Variants in RABGAP1L observed in about 807,000 individuals in gnomAD.
The protein encoded by RABGAP1L is RAB GTPase activating protein 1 like.
A neutral mutation model predicts 137.7 loss-of-function variants in RABGAP1L; 63 were observed. That is an observed-to-expected ratio of 0.46 (90% CI 0.37 to 0.56). RABGAP1L has a LOEUF of 0.56. RABGAP1L is among the 20% of genes least tolerant of loss of function. The pLI, the probability that RABGAP1L is intolerant of heterozygous loss-of-function variation, is 0.00. For synonymous variants in RABGAP1L, 431 were observed against 433.7 expected (o/e 0.99, Z 0.08); for missense variants, 1,095 against 1,244.0 (o/e 0.88, Z 1.80).
intron 13 of RABGAP1L, among the ~76,000 whole-genome samples, chr1:174,618,402 A>G (rs1478803645): frequency 2.6e-5 from 4 of 152,252 alleles, no homozygotes; most frequent in African/African-American, 9.6e-5. Context: ...CAGTAGGGGC[A>G]GACTGACATC....
rs369393446 is a variant in RABGAP1L at position 174,891,295 on chromosome 1, G to C, written c.2341-66162G>C. 2.0e-5 allele frequency among the ~76,000 whole-genome samples: 3 copies of C among 152,182 alleles called. No homozygotes were observed. In the South Asian group the frequency reaches 6.2e-4, roughly 32 times the overall value. ...TGGCTAAAATGTAGGGGGTAGGCCA[G>C]GAAATAGAGAGTGGGAGTTGATCAT... On this transcript the variant is annotated intron_variant, in intron 19 of 25. Coordinates refer to ENST00000681986, the MANE Select transcript of RABGAP1L (RefSeq NM_001366446.1).
rs375145722 is a variant in RABGAP1L, at chr1:174,302,075, A to C, written c.1324-2911A>C. 6.6e-5 allele frequency among the ~76,000 whole-genome samples: 10 copies of C among 152,172 alleles called. No individual in the cohort carries two copies. In the East Asian group the frequency reaches 1.2e-3, roughly 18 times the overall value. On this transcript the variant is annotated intron_variant, in intron 10 of 25. Transcript: ENST00000681986. ...GGAAAGACTTTTCAAAGGATCAGCT[A>C]ATGTAAAAGTTCTAAGATACGGACA...
chr1:174,732,661 G>A (rs1039742899), intron 17 of RABGAP1L, among the ~76,000 whole-genome samples: 1 of 152,056 alleles, frequency 6.6e-6, no homozygotes, highest in African/African-American at 2.4e-5. Context: ...AGGAAGTAAA[G>A]GCATAATATA....
intron 13 of RABGAP1L, among the ~76,000 whole-genome samples, chr1:174,488,545 C>G (rs996806531): frequency 6.6e-6 from 1 of 152,020 alleles, no homozygotes; most frequent in East Asian, 1.9e-4. Context: ...CTATTAGCTT[C>G]TTGTACTTGG....
intron 19 of RABGAP1L, among the ~76,000 whole-genome samples, chr1:174,861,334 C>T (rs1416408676): frequency 6.6e-6 from 1 of 152,068 alleles, no homozygotes; most frequent in Non-Finnish European, 1.5e-5. Flanking sequence ...ATATATACCA[C>T]CTTTTTTGTA....
At chr1:174,525,300 AC>A (rs1663778685) in intron 13 of RABGAP1L, among the ~76,000 whole-genome samples, 1 of 151,992 alleles carries the variant, frequency 6.6e-6, no homozygotes, top group South Asian at 2.1e-4. Flanking sequence ...ATTTGTTTAT[AC>A]CCTTTTCAAT....
chr1:174,949,468 A>G (rs1012366883), intron 19 of RABGAP1L, among the ~76,000 whole-genome samples: 20 of 152,318 alleles, frequency 1.3e-4, no homozygotes, highest in East Asian at 1.2e-3. Context: ...TTGCCTGAGC[A>G]TTGGTTGGGG....
At chr1:174,633,118 G>A (rs1673579833) in intron 13 of RABGAP1L, among the ~76,000 whole-genome samples, 1 of 151,774 alleles carries the variant, frequency 6.6e-6, no homozygotes, top group South Asian at 2.1e-4. Flanking sequence ...TGATATGATT[G>A]TTTATCTAGA....
chr1:174,940,087 C>G (rs1186669113), intron 19 of RABGAP1L, among the ~76,000 whole-genome samples: 1 of 152,142 alleles, frequency 6.6e-6, no homozygotes, highest in African/African-American at 2.4e-5. Context: ...TAGCTCATAA[C>G]AGCCATATGT....
At chr1:174,722,938 T>C (rs189254927) in intron 17 of RABGAP1L, among the ~76,000 whole-genome samples, 11 of 152,332 alleles carry the variant, frequency 7.2e-5, no homozygotes, top group African/African-American at 2.6e-4. Context: ...TGTTGTGCTC[T>C]ATATTAGGCA....
At chr1:174,417,063 G>A (rs1650677764) in intron 13 of RABGAP1L, among the ~76,000 whole-genome samples, 1 of 152,052 alleles carries the variant, frequency 6.6e-6, no homozygotes. Context: ...GAATTAGGAA[G>A]GTTTTTGGCA....
rs1001919391 is a variant in RABGAP1L, at chr1:174,452,933, A to G, written c.1710+58788A>G. Among the ~76,000 whole-genome samples the G allele has an allele frequency of 6.8e-4, 104 of 152,266 alleles. 1 individual carries two copies. Among genetic ancestry groups the G allele is most frequent in the African/African-American group, 2.3e-3 (95 of 41,556 alleles). On this transcript the variant is annotated intron_variant, in intron 13 of 25. Transcript: ENST00000681986. ...CACAACTTAAAGGTCACTAATCCCA[A>G]TTCAAACAGGAATAAACCATTGAGC...
chr1:174,581,037 T>C (rs1190720350), intron 13 of RABGAP1L, among the ~76,000 whole-genome samples: 1 of 152,138 alleles, frequency 6.6e-6, no homozygotes, highest in Non-Finnish European at 1.5e-5. Flanking sequence ...TTGGCAAGGA[T>C]GTAGAGAAAT....
intron 19 of RABGAP1L, among the ~76,000 whole-genome samples, chr1:174,849,471 A>G (rs1231181399): frequency 6.6e-6 from 1 of 152,192 alleles, no homozygotes; most frequent in Admixed American, 6.5e-5. Context: ...ACATGTACAT[A>G]TAAAATATGC....
intron 3 of RABGAP1L, among the ~76,000 whole-genome samples, chr1:174,230,410 A>G (rs115772155): frequency 9.8e-4 from 149 of 151,564 alleles, no homozygotes; most frequent in African/African-American, 3.4e-3. Context: ...AAAAAAGAAT[A>G]AAAAAAAAGG....
chr1:174,543,016 A>G (rs1383959204), intron 13 of RABGAP1L, among the ~76,000 whole-genome samples: 1 of 152,168 alleles, frequency 6.6e-6, no homozygotes, highest in Non-Finnish European at 1.5e-5. Flanking sequence ...GCTTCCAACT[A>G]TGTGGTCAAT....
chr1:174,278,338 G>A (rs562350160), intron 9 of RABGAP1L, among the ~76,000 whole-genome samples: 5 of 152,224 alleles, frequency 3.3e-5, no homozygotes, highest in South Asian at 4.1e-4. Context: ...CCCTGGAGGC[G>A]GAGGTTGCAG....
At chr1:174,849,877 C>G (rs1647954082) in intron 19 of RABGAP1L, 2 of 574,870 alleles carry the variant, frequency 3.5e-6, no homozygotes, top group Middle Eastern at 5.8e-4. Flanking sequence ...AAGTGATGGC[C>G]AAAAGGCAAT....
rs1188653104 is a variant in RABGAP1L at position 174,598,942 on chromosome 1, A to G, written c.1711-38433A>G. Among the ~76,000 whole-genome samples, 4 of 151,514 alleles carry G rather than the reference A, an allele frequency of 2.6e-5. No individual in the cohort carries two copies. In the East Asian group the frequency reaches 7.8e-4, roughly 29 times the overall value. On this transcript the variant is annotated intron_variant, in intron 13 of 25. Coordinates refer to ENST00000681986, the MANE Select transcript of RABGAP1L (RefSeq NM_001366446.1). ...GATAAACTAAGGACCTACTCCTGCTATTTTGCTGTTTGTTTTCTGGTTGCC... is the reference window on the plus strand; with the variant it reads ...GATAAACTAAGGACCTACTCCTGCTGTTTTGCTGTTTGTTTTCTGGTTGCC...
Sources: allele counts gnomAD v4.1 joint callset (sites outside exome capture counted in the v4.1 genomes callset), GRCh38; gene constraint gnomAD v4.1.1; transcripts MANE v1.5; gene names NCBI Gene and HGNC (gene_info 2026-07-23, HGNC 2026-07-21).